SEMA6A: variants seen among roughly 807,000 people sequenced by gnomAD.
The protein encoded by SEMA6A is semaphorin-6A.
In SEMA6A, 25 loss-of-function variants were observed where a neutral mutation model predicts 96.8. That is an observed-to-expected ratio of 0.26 (90% confidence interval 0.19 to 0.36). SEMA6A has a LOEUF of 0.36. SEMA6A is among the 10% of genes least tolerant of loss of function. The pLI is 1.00. For synonymous variants in SEMA6A, 612 were observed against 518.0 expected (o/e 1.18, Z -2.46); for missense variants, 1,363 against 1,323.1 (o/e 1.03, Z -0.47).
intron 18 of SEMA6A, among the ~76,000 whole-genome samples, chr5:116,460,585 A>G (rs909153048): frequency 6.6e-6 from 1 of 152,174 alleles, no homozygotes; most frequent in Non-Finnish European, 1.5e-5. Context: ...TATTTGCGGT[A>G]TATTTACACT....
intron 1 of SEMA6A, among the ~76,000 whole-genome samples, chr5:116,553,451 G>A (rs1760494415): frequency 6.6e-6 from 1 of 152,310 alleles, no homozygotes; most frequent in Non-Finnish European, 1.5e-5. Flanking sequence ...GGAGAGCAGA[G>A]CCTTGGAGAA....
At chr5:116,472,831 G>A (rs748558499) in intron 17 of SEMA6A, 9 of 1,321,528 alleles carry the variant, frequency 6.8e-6, no homozygotes, top group African/African-American at 3.0e-5. Flanking sequence ...ATAAACTACT[G>A]CTGGATGAAT....
chr5:116,466,730 G>C (rs1210121780), intron 18 of SEMA6A, among the ~76,000 whole-genome samples: 2 of 152,170 alleles, frequency 1.3e-5, no homozygotes, highest in African/African-American at 4.8e-5. Context: ...TGAAACTCTT[G>C]AAAACATATA....
At chr5:116,546,363 G>A (rs991333802) in intron 1 of SEMA6A, among the ~76,000 whole-genome samples, 2 of 152,218 alleles carry the variant, frequency 1.3e-5, no homozygotes, top group African/African-American at 2.4e-5. Flanking sequence ...CCTATAATGA[G>A]TTAGCTCACT....
At chr5:116,545,624 C>A (rs974457398) in intron 1 of SEMA6A, among the ~76,000 whole-genome samples, 60 of 152,182 alleles carry the variant, frequency 3.9e-4, no homozygotes, top group Admixed American at 3.9e-3. Context: ...CGTGTTCCAT[C>A]TGCGAGGAGC....
chr5:116,495,304 G>GTT, intron 6 of SEMA6A, 109 bp downstream of exon 6: 1 of 759,068 alleles, frequency 1.3e-6, no homozygotes, highest in Non-Finnish European at 2.3e-6. Context: ...ACAAGTGAGA[G>GTT]GAACTCAGGT....
At chr5:116,534,149 A>T (rs940336758) in intron 1 of SEMA6A, among the ~76,000 whole-genome samples, 2 of 152,148 alleles carry the variant, frequency 1.3e-5, no homozygotes, top group African/African-American at 4.8e-5. Flanking sequence ...AACTTCACCA[A>T]AACTACTTTC....
At chr5:116,555,651 C>T (rs367999483) in intron 1 of SEMA6A, among the ~76,000 whole-genome samples, 3 of 151,238 alleles carry the variant, frequency 2.0e-5, no homozygotes, top group Non-Finnish European at 4.4e-5. Flanking sequence ...GTAGCCTGAG[C>T]AACATGGCAA....
intron 1 of SEMA6A, among the ~76,000 whole-genome samples, chr5:116,560,272 A>G (rs1050577269): frequency 2.6e-5 from 4 of 152,204 alleles, no homozygotes; most frequent in African/African-American, 4.8e-5. Context: ...GGGACAGAGA[A>G]TAGTCAGGCC....
intron 2 of SEMA6A, 56 bp downstream of exon 2, chr5:116,504,789 G>C: frequency 7.4e-7 from 1 of 1,348,818 alleles, no homozygotes; most frequent in Non-Finnish European, 1.0e-6. Flanking sequence ...TTGCTAGGCT[G>C]ATTCAGGCTA....
At chr5:116,502,747 A>G (rs1264874111) in intron 2 of SEMA6A, 2 of 172,138 alleles carry the variant, frequency 1.2e-5, no homozygotes, top group South Asian at 1.5e-4. Context: ...CCTTCCCATC[A>G]ATCACCACAA....
chr5:116,524,685 G>A (rs949678073), intron 1 of SEMA6A, among the ~76,000 whole-genome samples: 2 of 151,200 alleles, frequency 1.3e-5, no homozygotes, highest in African/African-American at 4.9e-5. Context: ...CTACACTTAG[G>A]GTTAAAGACA....
At chr5:116,510,992 T>A (rs1758376544) in intron 1 of SEMA6A, among the ~76,000 whole-genome samples, 1 of 152,192 alleles carries the variant, frequency 6.6e-6, no homozygotes, top group Non-Finnish European at 1.5e-5. Flanking sequence ...GGCCTTATTA[T>A]CTGTGTTGTA....
At chr5:116,526,596 A>T (rs1020641481) in intron 1 of SEMA6A, among the ~76,000 whole-genome samples, 1 of 152,226 alleles carries the variant, frequency 6.6e-6, no homozygotes, top group Admixed American at 6.5e-5. Context: ...CATACGTCGT[A>T]TAAGAAAGAA....
chr5:116,472,714 A>G (rs1255628839), intron 17 of SEMA6A: 1 of 564,534 alleles, frequency 1.8e-6, no homozygotes, highest in Non-Finnish European at 3.0e-6. Flanking sequence ...ATTGTCTCAC[A>G]TAGGCAGAGT....
rs143201612 is a variant in SEMA6A at position 116,502,471 on chromosome 5, G to C, written c.101-144C>G. On this transcript the variant is annotated intron_variant, in intron 2 of 18. Coordinates refer to ENST00000343348, the MANE Select transcript of SEMA6A (RefSeq NM_020796.5). ...CCATTTTCCATTTCCATATGAGTCTGTTATTTTAGGAAATATGATAGAAGA... is the reference window on the plus strand; with the variant it reads ...CCATTTTCCATTTCCATATGAGTCTCTTATTTTAGGAAATATGATAGAAGA... 5.9e-4 allele frequency: 375 copies of C among 630,620 alleles called. 1 individual carries two copies. The highest frequency in any genetic ancestry group is 8.3e-4 in the Non-Finnish European group (294 of 352,600). 39.1% of individuals were successfully genotyped at this position (630,620 alleles called of 1,614,324 possible). A position where few individuals can be genotyped will look rare whatever the true frequency, so the allele number is the denominator to read the frequency against.
intron 1 of SEMA6A, among the ~76,000 whole-genome samples, chr5:116,511,267 G>A (rs1758389260): frequency 6.6e-6 from 1 of 152,110 alleles, no homozygotes; most frequent in African/African-American, 2.4e-5. Flanking sequence ...TTGTTTCACT[G>A]TATTGCTTAG....
intron 10 of SEMA6A, among the ~76,000 whole-genome samples, chr5:116,484,143 T>C (rs999032231): frequency 1.3e-5 from 2 of 152,076 alleles, no homozygotes; most frequent in African/African-American, 2.4e-5. Flanking sequence ...TTATTTGATT[T>C]CGTAACACTC....
rs1208427413 is a variant in SEMA6A, at chr5:116,467,576, G to A, written c.1894+7C>T. The A allele has an allele frequency of 6.2e-7, 1 of 1,610,340 alleles. No individual in the cohort carries two copies. Among genetic ancestry groups the A allele is most frequent in the African/African-American group, 1.3e-5 (1 of 74,612 alleles). Reference sequence around the variant, plus strand: ...CCCGAGAGGAAGAGGCATTTCCAAGGCCTTACCCTTCTTGTCTTGGTGATT... The same window carrying A: ...CCCGAGAGGAAGAGGCATTTCCAAGACCTTACCCTTCTTGTCTTGGTGATT... On this transcript the variant is annotated splice_region_variant and intron_variant, in intron 18 of 18. Coordinates refer to ENST00000343348, the MANE Select transcript of SEMA6A (RefSeq NM_020796.5).
Sources: gnomAD v4.1 joint callset for allele counts (sites outside exome capture counted in the v4.1 genomes callset) on GRCh38, gnomAD v4.1.1 for gene constraint, MANE v1.5 for transcripts, NCBI Gene and HGNC (gene_info 2026-07-23, HGNC 2026-07-21) for gene names.